TMCC1: variants seen among roughly 807,000 people sequenced by gnomAD.
The protein encoded by TMCC1 is transmembrane and coiled-coil domains protein 1.
Under a neutral mutation model 52.4 loss-of-function variants are expected in TMCC1, and 15 were observed. That is an observed-to-expected ratio of 0.29 (90% confidence interval 0.19 to 0.44). The LOEUF is 0.44. TMCC1 is among the 20% of genes least tolerant of loss of function. The pLI is 1.00. For missense variants in TMCC1, 503 were observed against 806.0 expected, an observed-to-expected ratio of 0.62 and a Z score of 4.55; for synonymous variants, 279 against 301.9, an observed-to-expected ratio of 0.92 and a Z score of 0.79.
intron 4 of TMCC1, among the ~76,000 whole-genome samples, chr3:129,763,057 G>A (rs2053744451): frequency 6.6e-6 from 1 of 151,548 alleles, no homozygotes; most frequent in African/African-American, 2.4e-5. Context: ...AATTAGCCGG[G>A]CGTAGTAGCA....
chr3:129,791,628 G>A (rs1209654028), intron 4 of TMCC1, among the ~76,000 whole-genome samples: 5 of 152,020 alleles, frequency 3.3e-5, no homozygotes, highest in African/African-American at 1.2e-4. Context: ...GGAGACATGG[G>A]GCAGGAAGAA....
chr3:129,738,564 A>G (rs2051182601), intron 4 of TMCC1, among the ~76,000 whole-genome samples: 2 of 152,348 alleles, frequency 1.3e-5, no homozygotes, highest in Non-Finnish European at 2.9e-5. Flanking sequence ...AAAAACTACA[A>G]TTAAAGAATA....
intron 5 of TMCC1, among the ~76,000 whole-genome samples, chr3:129,660,373 G>C (rs2086944740): frequency 6.6e-6 from 1 of 152,110 alleles, no homozygotes; most frequent in African/African-American, 2.4e-5. Flanking sequence ...GGCTGGTCTT[G>C]AATTCCTGGA....
chr3:129,882,734 C>G lies in TMCC1; in HGVS notation c.-434-2175G>C, dbSNP rs574898044. 3.9e-5 allele frequency among the ~76,000 whole-genome samples: 6 copies of G among 152,160 alleles called. No individual in the cohort carries two copies. The East Asian group carries it at 1.2e-3, about 29-fold the overall frequency. ...TGAAAAATACTACAACATGGATGAA[C>G]CTTCAGGACATTATATTAAGTGACA... On this transcript the variant is annotated intron_variant, in intron 1 of 6. Transcript: ENST00000393238.
chr3:129,687,708 A>G (rs556809056), intron 4 of TMCC1, among the ~76,000 whole-genome samples: 76 of 152,310 alleles, frequency 5.0e-4, no homozygotes, highest in Non-Finnish European at 1.0e-4. Flanking sequence ...AATGAACCCA[A>G]GACAAATACC....
At chr3:129,848,502 G>A (rs1460620017) in intron 2 of TMCC1, 1 of 152,126 alleles carries the variant, frequency 6.6e-6, no homozygotes, top group African/African-American at 2.4e-5. Flanking sequence ...CCCTAGCTTA[G>A]ATTATATGAG....
intron 4 of TMCC1, among the ~76,000 whole-genome samples, chr3:129,801,875 C>T (rs1357318285): frequency 6.6e-6 from 1 of 152,222 alleles, no homozygotes; most frequent in Non-Finnish European, 1.5e-5. Flanking sequence ...TAACTCACAA[C>T]AGTTTCTGGA....
At chr3:129,710,988 A>C (rs201353603) in intron 4 of TMCC1, among the ~76,000 whole-genome samples, 1 of 152,062 alleles carries the variant, frequency 6.6e-6, no homozygotes. Flanking sequence ...CTCAGCCTCC[A>C]GAGTAGCTGG....
intron 5 of TMCC1, among the ~76,000 whole-genome samples, chr3:129,658,904 A>C (rs1349210213): frequency 6.6e-6 from 1 of 152,100 alleles, no homozygotes; most frequent in Non-Finnish European, 1.5e-5. Context: ...GCTATGTCTA[A>C]CAATGAAAAA....
intron 5 of TMCC1, 99 bp downstream of exon 5, chr3:129,670,229 ACT>A (rs1419011492): frequency 1.6e-6 from 2 of 1,265,340 alleles, no homozygotes; most frequent in Non-Finnish European, 2.2e-6. Flanking sequence ...TGCTCTGGAC[ACT>A]CTAGAGAAAG....
chr3:129,842,099 G>A (rs1390730886), intron 2 of TMCC1, among the ~76,000 whole-genome samples: 1 of 152,172 alleles, frequency 6.6e-6, no homozygotes, highest in African/African-American at 2.4e-5. Context: ...TGATAGGTAT[G>A]ACAGAAAATA....
intron 2 of TMCC1, among the ~76,000 whole-genome samples, chr3:129,875,017 A>G (rs1057445184): frequency 6.6e-6 from 1 of 152,162 alleles, no homozygotes; most frequent in Non-Finnish European, 1.5e-5. Context: ...AAATCAGCTC[A>G]TAACAACCTT....
intron 4 of TMCC1, among the ~76,000 whole-genome samples, chr3:129,738,353 G>A (rs2051165142): frequency 1.3e-5 from 2 of 151,688 alleles, no homozygotes; most frequent in South Asian, 4.2e-4. Context: ...TTCTAACACT[G>A]TATGTTTCAA....
At chr3:129,710,364 T>C (rs1286545404) in intron 4 of TMCC1, among the ~76,000 whole-genome samples, 1 of 152,146 alleles carries the variant, frequency 6.6e-6, no homozygotes, top group Non-Finnish European at 1.5e-5. Context: ...GACGGTCTCA[T>C]TATGTTGGCC....
At chr3:129,827,557 C>G (rs1470755040) in intron 4 of TMCC1, among the ~76,000 whole-genome samples, 1 of 151,998 alleles carries the variant, frequency 6.6e-6, no homozygotes, top group Admixed American at 6.6e-5. Context: ...ATGAAATATA[C>G]TTAAGGTTTT....
intron 4 of TMCC1, among the ~76,000 whole-genome samples, chr3:129,764,309 C>T (rs2053897746): frequency 6.6e-6 from 1 of 152,132 alleles, no homozygotes; most frequent in African/African-American, 2.4e-5. Flanking sequence ...AATTAGAGAA[C>T]ATGCTTGCTA....
chr3:129,864,585 C>T (rs564870549), intron 2 of TMCC1, among the ~76,000 whole-genome samples: 15 of 152,186 alleles, frequency 9.9e-5, no homozygotes, highest in South Asian at 2.1e-4. Context: ...AACCCAGGTT[C>T]GAGACTAGCC....
At chr3:129,727,915 C>CA (rs530858689) in intron 4 of TMCC1, among the ~76,000 whole-genome samples, 18 of 152,148 alleles carry the variant, frequency 1.2e-4, no homozygotes, top group Non-Finnish European at 2.6e-4. Context: ...TGCCATGCTA[C>CA]AAAAAAGCCC....
At chr3:129,891,780 G>C (rs1409564164) in intron 1 of TMCC1, among the ~76,000 whole-genome samples, 1 of 152,180 alleles carries the variant, frequency 6.6e-6, no homozygotes, top group Non-Finnish European at 1.5e-5. Context: ...ATTAATGAAT[G>C]ATCCATAAAT....
Sources: allele counts gnomAD v4.1 joint callset (sites outside exome capture counted in the v4.1 genomes callset), GRCh38; gene constraint gnomAD v4.1.1; transcripts MANE v1.5; gene names NCBI Gene and HGNC (gene_info 2026-07-23, HGNC 2026-07-21).